Variants in KCNMB2 observed in about 807,000 individuals in gnomAD.
The protein encoded by KCNMB2 is potassium calcium-activated channel subfamily M regulatory beta subunit 2.
KCNMB2 carries 9 observed loss-of-function variants against 24.5 expected under a neutral mutation model. The observed-to-expected ratio is 0.37, with a 90% CI of 0.22 to 0.64. KCNMB2 has a LOEUF of 0.64. KCNMB2 is among the 30% of genes least tolerant of loss of function. KCNMB2 has a pLI of 0.63. For synonymous variants in KCNMB2, 109 were observed against 104.4 expected (o/e 1.04, Z -0.27); for missense variants, 226 against 284.3 (o/e 0.79, Z 1.47).
chr3:178,574,603 C>A (rs1316922396), intron 1 of KCNMB2, among the ~76,000 whole-genome samples: 5 of 152,316 alleles, frequency 3.3e-5, no homozygotes, highest in Middle Eastern at 3.4e-3. Context: ...ACATCCCTGT[C>A]TAACTTAAGG....
At chr3:178,825,976 T>A (rs1461020804) in intron 3 of KCNMB2, among the ~76,000 whole-genome samples, 1 of 152,216 alleles carries the variant, frequency 6.6e-6, no homozygotes, top group Non-Finnish European at 1.5e-5. Context: ...CTTCTACTTC[T>A]TTAATTATCA....
intron 1 of KCNMB2, among the ~76,000 whole-genome samples, chr3:178,804,475 A>G (rs562299649): frequency 1.3e-5 from 2 of 152,318 alleles, no homozygotes; most frequent in South Asian, 2.1e-4. Context: ...TAGGGTGGAA[A>G]CACTCCAAAT....
rs75465813 is a variant in KCNMB2 at position 178,791,850 on chromosome 3, GAA to G, written c.-67-15477_-67-15476del. Among the ~76,000 whole-genome samples the G allele has an allele frequency of 3.3e-3, 252 of 75,800 alleles. 3 individuals are homozygous for G. The highest frequency in any genetic ancestry group is 0.011 in the African/African-American group (226 of 20,410). The allele number at this position is 75,800 out of a possible 152,430, so 49.7% of individuals were successfully genotyped here. ...GCATGACATATTTAAAGTACTGAAA[GAA>G]AAAAAAAAAAAAAAACTTTCCTCAT... is the stretch of plus-strand genomic sequence containing the variant. On this transcript the variant is annotated intron_variant, in intron 1 of 4. Coordinates refer to ENST00000452583, the MANE Select transcript of KCNMB2 (RefSeq NM_181361.3).
chr3:178,594,948 T>A (rs1450616134), intron 1 of KCNMB2, among the ~76,000 whole-genome samples: 1 of 151,338 alleles, frequency 6.6e-6, no homozygotes, highest in Non-Finnish European at 1.5e-5. Flanking sequence ...GACACACTAC[T>A]AATGAAATTA....
chr3:178,653,849 T>C (rs1185059244), intron 1 of KCNMB2, among the ~76,000 whole-genome samples: 1 of 152,148 alleles, frequency 6.6e-6, no homozygotes. Context: ...AATTGGCCTA[T>C]AATTTTCATA....
At chr3:178,553,829 C>T (rs1173096468) in intron 1 of KCNMB2, among the ~76,000 whole-genome samples, 1 of 151,964 alleles carries the variant, frequency 6.6e-6, no homozygotes, top group Non-Finnish European at 1.5e-5. Context: ...TTTGAGCCAC[C>T]GCACCCAGCC....
At chr3:178,694,003 T>G (rs1182329670) in intron 1 of KCNMB2, among the ~76,000 whole-genome samples, 1 of 152,060 alleles carries the variant, frequency 6.6e-6, no homozygotes, top group Non-Finnish European at 1.5e-5. Flanking sequence ...AGGGTGTGTA[T>G]TAGTCTCTTC....
chr3:178,601,447 C>T (rs1352942060), intron 1 of KCNMB2, among the ~76,000 whole-genome samples: 2 of 152,148 alleles, frequency 1.3e-5, no homozygotes, highest in African/African-American at 4.8e-5. Flanking sequence ...AATGTGGCCC[C>T]GTGAGGGGTT....
intron 1 of KCNMB2, among the ~76,000 whole-genome samples, chr3:178,714,125 A>T (rs1020428699): frequency 2.0e-5 from 3 of 152,146 alleles, no homozygotes; most frequent in Admixed American, 6.6e-5. Flanking sequence ...CTTGAGCTGC[A>T]TGCCTCTTCC....
chr3:178,556,340 A>T (rs931443254), intron 1 of KCNMB2, among the ~76,000 whole-genome samples: 1 of 152,230 alleles, frequency 6.6e-6, no homozygotes, highest in Non-Finnish European at 1.5e-5. Context: ...ATTTAATGGC[A>T]ACTAGTGTAG....
chr3:178,554,054 G>A (rs1240439775), intron 1 of KCNMB2, among the ~76,000 whole-genome samples: 2 of 151,836 alleles, frequency 1.3e-5, no homozygotes, highest in Non-Finnish European at 2.9e-5. Context: ...ATGCTTACAT[G>A]ATTATCTCAT....
At chr3:178,766,348 T>C (rs1165453334) in intron 1 of KCNMB2, among the ~76,000 whole-genome samples, 1 of 152,070 alleles carries the variant, frequency 6.6e-6, no homozygotes, top group Non-Finnish European at 1.5e-5. Context: ...TGTATACCAC[T>C]ACACCTGGTT....
At chr3:178,839,159 G>C (rs1242111137) in intron 4 of KCNMB2, among the ~76,000 whole-genome samples, 1 of 146,288 alleles carries the variant, frequency 6.8e-6, no homozygotes, top group Non-Finnish European at 1.5e-5. Flanking sequence ...TCCCAGAAAA[G>C]TGATTTAAAT....
intron 1 of KCNMB2, among the ~76,000 whole-genome samples, chr3:178,574,851 T>A (rs1461995549): frequency 1.3e-5 from 2 of 152,172 alleles, no homozygotes; most frequent in Admixed American, 1.3e-4. Context: ...GTGGATCACC[T>A]GAGGTCAGGA....
rs1233420373 is a variant in KCNMB2, at chr3:178,757,793, TCTTATATCC to T, written c.-67-49549_-67-49541del. Among the ~76,000 whole-genome samples the T allele has an allele frequency of 4.4e-4, 33 of 74,860 alleles. 3 individuals carry two copies. Among genetic ancestry groups the T allele is most frequent in the East Asian group, 1.1e-3 (3 of 2,840 alleles). 49.1% of individuals were successfully genotyped at this position (74,860 alleles called of 152,430 possible). A position where few individuals can be genotyped will look rare whatever the true frequency, so the allele number is the denominator to read the frequency against. On this transcript the variant is annotated intron_variant, in intron 1 of 4. Coordinates refer to ENST00000452583, the MANE Select transcript of KCNMB2 (RefSeq NM_181361.3). ...ATCCAAGAGGATATATATACATATA[TCTTATATCC>T]ATCCAAGAGGATATATATATACACA...
At chr3:178,797,314 C>T (rs987517992) in intron 1 of KCNMB2, among the ~76,000 whole-genome samples, 1 of 152,076 alleles carries the variant, frequency 6.6e-6, no homozygotes, top group East Asian at 1.9e-4. Flanking sequence ...ACTTAAAGAA[C>T]AACTAATACC....
chr3:178,600,237 G>T (rs1430231044), intron 1 of KCNMB2, among the ~76,000 whole-genome samples: 2 of 152,142 alleles, frequency 1.3e-5, no homozygotes, highest in East Asian at 3.9e-4. Context: ...TGTATCAAAT[G>T]TCAGAATTTT....
chr3:178,842,452 C>T (rs1715459449), intron 4 of KCNMB2, among the ~76,000 whole-genome samples: 1 of 152,136 alleles, frequency 6.6e-6, no homozygotes, highest in Admixed American at 6.5e-5. Flanking sequence ...AATCAAGGGA[C>T]ATCTTGGTCA....
chr3:178,560,192 C>G (rs779948785), intron 1 of KCNMB2, among the ~76,000 whole-genome samples: 4 of 151,614 alleles, frequency 2.6e-5, no homozygotes, highest in African/African-American at 9.7e-5. Context: ...AAACAAAATA[C>G]TTCAAGTTTT....
Sources: allele counts gnomAD v4.1 joint callset (sites outside exome capture counted in the v4.1 genomes callset), GRCh38; gene constraint gnomAD v4.1.1; transcripts MANE v1.5; gene names NCBI Gene and HGNC (gene_info 2026-07-23, HGNC 2026-07-21).